MAML2: variants seen among roughly 807,000 people sequenced by gnomAD.
MAML2 encodes mastermind like transcriptional coactivator 2.
MAML2 carries 22 observed loss-of-function variants against 96.1 expected under a neutral mutation model. The ratio of observed to expected loss-of-function variants is 0.23; its 90% CI spans 0.16 to 0.33. The LOEUF (loss-of-function observed/expected upper bound fraction) is 0.33, where lower values mean the gene tolerates loss of function less well. MAML2 is among the 10% of genes least tolerant of loss of function. MAML2 has a pLI of 1.00. For synonymous variants in MAML2, 561 were observed against 521.3 expected, an observed-to-expected ratio of 1.08 and a Z score of -1.04; for missense variants, 1,367 against 1,392.4, an observed-to-expected ratio of 0.98 and a Z score of 0.29.
At chr11:96,324,602 C>T (rs1863749353) in intron 1 of MAML2, among the ~76,000 whole-genome samples, 2 of 152,178 alleles carry the variant, frequency 1.3e-5, no homozygotes, top group African/African-American at 4.8e-5. Context: ...GAAGGCACAT[C>T]TTCACCTTGA....
chr11:95,979,698 C>G lies in MAML2; in HGVS notation c.2721G>C (p.Met907Ile). The G allele has an allele frequency of 1.2e-6, 2 of 1,613,946 alleles. No homozygotes were observed. The highest frequency in any genetic ancestry group is 1.7e-6 in the Non-Finnish European group (2 of 1,179,888). The change falls in exon 5 of 5, where the codon ATG (methionine) becomes ATC (isoleucine). Residue 907 changes from methionine (M) to isoleucine (I), a missense_variant. Met to Ile is a conservative substitution (Grantham distance 10). Coordinates refer to ENST00000524717, the MANE Select transcript of MAML2 (RefSeq NM_032427.4). ...GCCCTAAGGTAGGTGGCCGTGGCAT[C>G]ATAGGGTTGTTTTGATTTGCTAACA... is the stretch of plus-strand genomic sequence containing the variant. Reference protein sequence around the residue: ...KQLLANQNNPMMPRPPTLGPS... With the variant: ...KQLLANQNNPIMPRPPTLGPS...
intron 2 of MAML2, among the ~76,000 whole-genome samples, chr11:96,057,162 T>C (rs1047147963): frequency 2.6e-5 from 4 of 152,232 alleles, no homozygotes. Flanking sequence ...GAATCAGTTA[T>C]ACATCCATGA....
At chr11:96,187,239 G>A (rs1355924748) in intron 1 of MAML2, among the ~76,000 whole-genome samples, 1 of 152,192 alleles carries the variant, frequency 6.6e-6, no homozygotes, top group East Asian at 1.9e-4. Flanking sequence ...GTGGCACATA[G>A]CAGATGATTA....
In MAML2 at chr11:96,055,397, C is replaced by T. The variant is rs149093884; in HGVS notation, c.2139+36495G>A. Among the ~76,000 whole-genome samples the T allele has an allele frequency of 4.2e-3, 643 of 152,196 alleles. 4 individuals are homozygous for T. Among genetic ancestry groups the T allele is most frequent in the African/African-American group, 0.015 (616 of 41,526 alleles). On this transcript the variant is annotated intron_variant, in intron 2 of 4. Transcript: ENST00000524717. ...AGATTTAGACAAGCAAAGCTAATCT[C>T]AAACCTCCTCTAAGAGAGGAAAGAG...
chr11:96,091,597 T>A (rs7108260), intron 2 of MAML2, among the ~76,000 whole-genome samples: 12 of 151,510 alleles, frequency 7.9e-5, no homozygotes, highest in Non-Finnish European at 1.5e-4. Flanking sequence ...GACCATCTGA[T>A]TGACAACTGG....
At chr11:96,023,543 G>A (rs1405142465) in intron 2 of MAML2, among the ~76,000 whole-genome samples, 1 of 152,190 alleles carries the variant, frequency 6.6e-6, no homozygotes, top group African/African-American at 2.4e-5. Flanking sequence ...GATGTGGAAT[G>A]TGGGTTCATG....
chr11:96,128,400 G>C (rs1860488600), intron 1 of MAML2, among the ~76,000 whole-genome samples: 1 of 150,388 alleles, frequency 6.6e-6, no homozygotes, highest in Non-Finnish European at 1.5e-5. Flanking sequence ...TCAGTCTCGG[G>C]AAAAAAAAAT....
chr11:96,179,977 A>G (rs1861457591), intron 1 of MAML2, among the ~76,000 whole-genome samples: 1 of 152,236 alleles, frequency 6.6e-6, no homozygotes, highest in Non-Finnish European at 1.5e-5. Flanking sequence ...ATAGTAGGGA[A>G]AAGCAGGTAC....
intron 1 of MAML2, among the ~76,000 whole-genome samples, chr11:96,176,845 T>A (rs1861395001): frequency 6.6e-6 from 1 of 152,074 alleles, no homozygotes; most frequent in African/African-American, 2.4e-5. Context: ...GTGATACCGA[T>A]AGGTGTGAGA....
intron 1 of MAML2, among the ~76,000 whole-genome samples, chr11:96,122,256 G>T (rs973492483): frequency 2.0e-5 from 3 of 151,718 alleles, no homozygotes; most frequent in African/African-American, 7.3e-5. Context: ...TAATCTCTCT[G>T]AATTTCTAAA....
chr11:96,118,977 T>C (rs556790099), intron 1 of MAML2, among the ~76,000 whole-genome samples: 1 of 152,166 alleles, frequency 6.6e-6, no homozygotes, highest in East Asian at 1.9e-4. Flanking sequence ...TGTCTCTCCA[T>C]AGTAAAAGAA....
At chr11:95,994,588 G>A (rs78584227) in intron 2 of MAML2, among the ~76,000 whole-genome samples, 11 of 152,208 alleles carry the variant, frequency 7.2e-5, no homozygotes, top group African/African-American at 2.6e-4. Context: ...AAAGAGGCAG[G>A]ATCAGGGAAG....
At chr11:96,102,696 A>G (rs528903014) in intron 1 of MAML2, among the ~76,000 whole-genome samples, 267 of 152,332 alleles carry the variant, frequency 1.8e-3, no homozygotes, top group African/African-American at 6.1e-3. Context: ...GTGATAACCA[A>G]TAGGATGACC....
chr11:96,073,847 A>T (rs769554241), intron 2 of MAML2, among the ~76,000 whole-genome samples: 1 of 152,090 alleles, frequency 6.6e-6, no homozygotes, highest in Non-Finnish European at 1.5e-5. Flanking sequence ...AGGTAAAAGG[A>T]TCTGTGTAGA....
At chr11:95,986,153 T>G (rs1857825383) in intron 3 of MAML2, among the ~76,000 whole-genome samples, 1 of 152,138 alleles carries the variant, frequency 6.6e-6, no homozygotes. Context: ...AGGTAGGGTT[T>G]TCAGATAAAA....
intron 1 of MAML2, among the ~76,000 whole-genome samples, chr11:96,191,770 C>CAAAAAA (rs11396681): frequency 2.9e-4 from 34 of 116,614 alleles, no homozygotes; most frequent in African/African-American, 1.0e-3. Flanking sequence ...AACTCTGTCT[C>CAAAAAA]AAAAAAAAAA....
chr11:96,339,112 C>T (rs912856763), intron 1 of MAML2, among the ~76,000 whole-genome samples: 3 of 152,178 alleles, frequency 2.0e-5, no homozygotes, highest in African/African-American at 7.2e-5. Context: ...ATATACTATC[C>T]CTTACCCTCC....
chr11:96,212,108 A>AGTGTGTGTGTGTGTGTGT (rs72133828), intron 1 of MAML2, among the ~76,000 whole-genome samples: 4 of 134,146 alleles, frequency 3.0e-5, no homozygotes, highest in African/African-American at 1.1e-4. Flanking sequence ...AGGAAGACAA[A>AGTGTGTGTGTGTGTGTGT]GTGTGTGTGT....
chr11:96,303,108 G>A (rs544888275), intron 1 of MAML2, among the ~76,000 whole-genome samples: 7 of 152,208 alleles, frequency 4.6e-5, no homozygotes, highest in African/African-American at 1.7e-4. Flanking sequence ...ACATTCACGG[G>A]CTCATTTGTA....
Sources: allele counts gnomAD v4.1 joint callset (sites outside exome capture counted in the v4.1 genomes callset), GRCh38; gene constraint gnomAD v4.1.1; transcripts MANE v1.5; gene names NCBI Gene and HGNC (gene_info 2026-07-23, HGNC 2026-07-21).